The following BMAL2 variants were observed in gnomAD, a reference collection of about 807,000 sequenced individuals.
The protein encoded by BMAL2 is basic helix-loop-helix ARNT-like protein 2.
chr12:27,333,183 G>A, the BMAL2 span: 1 of 1,186,420 alleles, frequency 8.4e-7, no homozygotes, highest in Non-Finnish European at 1.0e-6. Flanking sequence ...CGCGACGCCA[G>A]GTCTGCCCCC....
the BMAL2 span, among the ~76,000 whole-genome samples, chr12:27,342,157 C>G: frequency 2.0e-5 from 3 of 152,114 alleles, no homozygotes; most frequent in African/African-American, 4.8e-5. Flanking sequence ...AGGCTGGTCT[C>G]GAACTCCAAG....
the BMAL2 span, among the ~76,000 whole-genome samples, chr12:27,367,459 T>C: frequency 6.6e-6 from 1 of 152,218 alleles, no homozygotes; most frequent in Non-Finnish European, 1.5e-5. Context: ...AGGGGACTAC[T>C]GTATACTGTA....
At chr12:27,422,273 C>T in the BMAL2 span, 1 of 152,120 alleles carries the variant, frequency 6.6e-6, no homozygotes, top group Non-Finnish European at 1.5e-5. Flanking sequence ...CCTCAGACTT[C>T]AATGTGGGCT....
chr12:27,391,552 C>G, the BMAL2 span, among the ~76,000 whole-genome samples: 7 of 152,194 alleles, frequency 4.6e-5, no homozygotes, highest in African/African-American at 1.7e-4. Flanking sequence ...TGGGTGTATA[C>G]CCAGTAATGG....
At chr12:27,336,535 A>C in the BMAL2 span, among the ~76,000 whole-genome samples, 2 of 152,132 alleles carry the variant, frequency 1.3e-5, no homozygotes, top group African/African-American at 2.4e-5. Flanking sequence ...GCCCTGCCGC[A>C]CCCTGTTTCC....
chr12:27,423,359 T>G, the BMAL2 span: 1 of 134,156 alleles, frequency 7.5e-6, no homozygotes, highest in Admixed American at 8.8e-5. Context: ...AGATGGAGTC[T>G]CGCTCTATCG....
the BMAL2 span, among the ~76,000 whole-genome samples, chr12:27,383,466 A>G: frequency 6.6e-6 from 1 of 152,226 alleles, no homozygotes; most frequent in African/African-American, 2.4e-5. Flanking sequence ...ACACCATGGC[A>G]TGCATTTACT....
chr12:27,372,465 A>G, the BMAL2 span, among the ~76,000 whole-genome samples: 2 of 152,172 alleles, frequency 1.3e-5, no homozygotes, highest in Non-Finnish European at 2.9e-5. Flanking sequence ...TACTATGAAC[A>G]TTGATGTACA....
the BMAL2 span, among the ~76,000 whole-genome samples, chr12:27,363,092 G>A: frequency 1.3e-5 from 2 of 152,160 alleles, no homozygotes; most frequent in South Asian, 4.1e-4. Flanking sequence ...TTACAGGCAT[G>A]AGCCACTGCA....
At chr12:27,354,514 CA>C in the BMAL2 span, among the ~76,000 whole-genome samples, 1 of 152,098 alleles carries the variant, frequency 6.6e-6, no homozygotes, top group Non-Finnish European at 1.5e-5. Context: ...TGCCAAACCC[CA>C]GCAACATGCA....
At chr12:27,345,684 G>T in the BMAL2 span, among the ~76,000 whole-genome samples, 1 of 151,702 alleles carries the variant, frequency 6.6e-6, no homozygotes, top group Non-Finnish European at 1.5e-5. Context: ...TGTTTTTTTT[G>T]TAGAAATGGG....
At chr12:27,417,182 T>C in the BMAL2 span, among the ~76,000 whole-genome samples, 2 of 152,218 alleles carry the variant, frequency 1.3e-5, no homozygotes, top group African/African-American at 4.8e-5. Flanking sequence ...TGAGACAATA[T>C]AGGCAAATGA....
the BMAL2 span, among the ~76,000 whole-genome samples, chr12:27,339,604 C>T: frequency 6.6e-6 from 1 of 151,876 alleles, no homozygotes; most frequent in Admixed American, 6.6e-5. Context: ...TCTTTGCAGT[C>T]TCACCAGTAT....
the BMAL2 span, chr12:27,402,765 A>T: frequency 2.4e-6 from 3 of 1,231,104 alleles, no homozygotes; most frequent in Admixed American, 7.5e-5. Context: ...GAGAGGGGAA[A>T]ATTTGAAGGT....
At chr12:27,411,450 CAA>C in the BMAL2 span, among the ~76,000 whole-genome samples, 56 of 144,668 alleles carry the variant, frequency 3.9e-4, no homozygotes, top group African/African-American at 4.3e-4. Flanking sequence ...GACCCCATCT[CAA>C]AAAAAAAAAA....
chr12:27,397,046 T>TTTTG, the BMAL2 span, among the ~76,000 whole-genome samples: 155 of 151,814 alleles, frequency 1.0e-3, no homozygotes, highest in Admixed American at 2.0e-3. Context: ...TTCACTGTGG[T>TTTTG]TTTGTTTGTT....
chr12:27,400,854 A>AT, the BMAL2 span: 1 of 1,274,674 alleles, frequency 7.8e-7, no homozygotes, highest in Non-Finnish European at 1.1e-6. Flanking sequence ...TAGCACTGCT[A>AT]GTTTTTCTTT....
the BMAL2 span, among the ~76,000 whole-genome samples, chr12:27,384,704 G>T: frequency 6.6e-6 from 1 of 152,094 alleles, no homozygotes; most frequent in Non-Finnish European, 1.5e-5. Context: ...GGCATATTAA[G>T]AGATTAACAT....
chr12:27,374,324 T>C, the BMAL2 span, among the ~76,000 whole-genome samples: 1 of 152,368 alleles, frequency 6.6e-6, no homozygotes, highest in Non-Finnish European at 1.5e-5. Flanking sequence ...TTCTTGTTAT[T>C]ATTCTCTAAA....
Sources: allele counts gnomAD v4.1 joint callset (sites outside exome capture counted in the v4.1 genomes callset), GRCh38; gene constraint gnomAD v4.1.1; transcripts MANE v1.5; gene names NCBI Gene and HGNC (gene_info 2026-07-23, HGNC 2026-07-21).